RTN4R: variants seen among roughly 807,000 people sequenced by gnomAD.
RTN4R encodes the protein reticulon-4 receptor.
Under a neutral mutation model 27.7 loss-of-function variants are expected in RTN4R, and 4 were observed. The observed-to-expected ratio is 0.14, with a 90% confidence interval of 0.07 to 0.33. The LOEUF (loss-of-function observed/expected upper bound fraction) is 0.33, where lower values mean the gene tolerates loss of function less well. Ranked by LOEUF, RTN4R falls within the 10% of genes least tolerant of loss-of-function variation. The pLI, the probability that RTN4R is intolerant of heterozygous loss-of-function variation, is 1.00. For synonymous variants in RTN4R, 290 were observed against 305.6 expected (o/e 0.95, Z 0.53); for missense variants, 554 against 671.5 (o/e 0.83, Z 1.93).
intron 1 of RTN4R, among the ~76,000 whole-genome samples, chr22:20,261,612 T>C (rs1008412079): frequency 6.6e-6 from 1 of 152,210 alleles, no homozygotes; most frequent in Non-Finnish European, 1.5e-5. Context: ...ACAGCCAGTC[T>C]TGAAGGCCAC....
At chr22:20,262,464 T>C (rs2051253581) in intron 1 of RTN4R, among the ~76,000 whole-genome samples, 2 of 152,130 alleles carry the variant, frequency 1.3e-5, no homozygotes, top group African/African-American at 2.4e-5. Flanking sequence ...GACATGTAAC[T>C]GGGGACTGTG....
rs1448261068 is a variant in RTN4R at position 20,267,065 on chromosome 22, G to A, written c.22+1006C>T. 1.3e-5 allele frequency among the ~76,000 whole-genome samples: 2 copies of A among 152,266 alleles called. 1 individual carries two copies. The highest frequency in any genetic ancestry group is 4.8e-5 in the African/African-American group (2 of 41,474). On this transcript the variant is annotated intron_variant, in intron 1 of 1. Transcript: ENST00000043402. Reference sequence around the variant, plus strand: ...TGTGCCACCCGTGGAGACCACAGCAGGCATGCCGCGTGCATGCATGTGTGG... The same window carrying A: ...TGTGCCACCCGTGGAGACCACAGCAAGCATGCCGCGTGCATGCATGTGTGG...
In RTN4R at chr22:20,241,501, T is replaced by C. The variant is rs2051105088; in HGVS notation, c.*210A>G. ...ATATCTCTATATACCGCGATCTGGG[T>C]GGGAGGCGGCGTTCTGGAACAAACG... On this transcript the variant is annotated 3_prime_UTR_variant, in exon 2 of 2. Coordinates refer to ENST00000043402, the MANE Select transcript of RTN4R (RefSeq NM_023004.6). 3 of 598,054 alleles carry C rather than the reference T, an allele frequency of 5.0e-6. No homozygotes were observed. Among genetic ancestry groups the C allele is most frequent in the Non-Finnish European group, 9.0e-6 (3 of 334,892 alleles). 37.0% of individuals were successfully genotyped at this position (598,054 alleles called of 1,614,324 possible).
rs756371224 is a variant in RTN4R, at chr22:20,242,156, T to G, written c.977A>C (p.Asp326Ala). 6.2e-7 allele frequency: 1 copy of G among 1,611,840 alleles called. No individual in the cohort carries two copies. The highest frequency in any genetic ancestry group is 8.5e-7 in the Non-Finnish European group (1 of 1,179,616). Residue 326 changes from aspartate to alanine, a missense_variant, in exon 2 of 2, where the codon GAT becomes GCT. Physicochemically the swap from Asp to Ala is moderately radical, Grantham distance 126. This residue lies in a region of RTN4R where 413 missense variants were observed against 542.3 expected (regional missense o/e 0.76). Coordinates refer to ENST00000043402, the MANE Select transcript of RTN4R (RefSeq NM_023004.6). ...CTTGGGAAGCCCCAGCGGCTCCTCA[T>G]CGGTGGCCCTGCCGGTCCAGATGGG... ...YHPIWTGRAT[D>A]EEPLGLPKCC...
chr22:20,249,330 G>A, intron 1 of RTN4R: 1 of 449,414 alleles, frequency 2.2e-6, no homozygotes, highest in Non-Finnish European at 4.6e-6. Context: ...GCCTGACCCT[G>A]CCCGCTACCT....
chr22:20,263,253 T>G (rs1206449365), intron 1 of RTN4R, among the ~76,000 whole-genome samples: 1 of 152,082 alleles, frequency 6.6e-6, no homozygotes, highest in Non-Finnish European at 1.5e-5. Flanking sequence ...ACAGGTCTCC[T>G]CCTCTGGTCC....
intron 1 of RTN4R, among the ~76,000 whole-genome samples, chr22:20,264,853 G>C (rs1363481468): frequency 6.6e-6 from 1 of 152,206 alleles, no homozygotes; most frequent in East Asian, 1.9e-4. Context: ...ACCAGAATGG[G>C]GGCGGGACGG....
intron 1 of RTN4R, 73 bp downstream of exon 1, chr22:20,267,998 T>A: frequency 1.1e-6 from 1 of 927,530 alleles, no homozygotes; most frequent in Non-Finnish European, 1.4e-6. Flanking sequence ...GCCCTGCGGC[T>A]CCGGGGAGGG....
chr22:20,251,660 CCATCCT>C (rs1190290089), intron 1 of RTN4R, among the ~76,000 whole-genome samples: 1 of 111,906 alleles, frequency 8.9e-6, no homozygotes, highest in African/African-American at 2.7e-5. Context: ...ATCACCATCA[CCATCCT>C]CAACACCATC....
At chr22:20,246,365 G>A (rs2051140951) in intron 1 of RTN4R, among the ~76,000 whole-genome samples, 1 of 152,230 alleles carries the variant, frequency 6.6e-6, no homozygotes, top group Non-Finnish European at 1.5e-5. Context: ...GGGAGCAACA[G>A]GCAGCCCAGG....
chr22:20,264,893 A>C (rs1440638004), intron 1 of RTN4R, among the ~76,000 whole-genome samples: 1 of 152,192 alleles, frequency 6.6e-6, no homozygotes, highest in Non-Finnish European at 1.5e-5. Flanking sequence ...ATAGTAGCCA[A>C]GTGTCAGGAG....
At chr22:20,263,335 G>T (rs1186075265) in intron 1 of RTN4R, among the ~76,000 whole-genome samples, 1 of 152,178 alleles carries the variant, frequency 6.6e-6, no homozygotes, top group Non-Finnish European at 1.5e-5. Context: ...ACATCGCATA[G>T]GGGTGCCTCT....
intron 1 of RTN4R, among the ~76,000 whole-genome samples, chr22:20,245,720 G>A (rs1453293530): frequency 6.6e-6 from 1 of 152,198 alleles, no homozygotes; most frequent in Non-Finnish European, 1.5e-5. Flanking sequence ...CTAATAGGAT[G>A]CTCTACTGTC....
chr22:20,252,057 TATC>T (rs1346582301), intron 1 of RTN4R, among the ~76,000 whole-genome samples: 3 of 102,070 alleles, frequency 2.9e-5, no homozygotes, highest in Non-Finnish European at 4.3e-5. Context: ...TCACAATCAC[TATC>T]ATCACCATCA....
At position 20,241,706 on chromosome 22, in the gene RTN4R, G is replaced by C; in HGVS notation, c.*5C>G. Reference sequence around the variant, plus strand: ...TGCTGAGCACGCTCTTGTGTCCGCTGGGGGTCAGCAGGGCCCAAGCACTGT... The same window carrying C: ...TGCTGAGCACGCTCTTGTGTCCGCTCGGGGTCAGCAGGGCCCAAGCACTGT... On this transcript the variant is annotated 3_prime_UTR_variant, in exon 2 of 2. Transcript: ENST00000043402. 6.5e-7 allele frequency: 1 copy of C among 1,549,410 alleles called. No homozygotes were observed.
chr22:20,245,520 C>T (rs2051135452), intron 1 of RTN4R, among the ~76,000 whole-genome samples: 1 of 152,098 alleles, frequency 6.6e-6, no homozygotes, highest in Admixed American at 6.5e-5. Flanking sequence ...TGACCCCATC[C>T]CAGGGGCCAG....
chr22:20,242,283 C>CGGA lies in RTN4R; in HGVS notation c.847_849dup (p.Ser283dup). The CGGA allele has an allele frequency of 6.3e-7, 1 of 1,599,786 alleles. No homozygotes were observed. The highest frequency in any genetic ancestry group is 8.5e-7 in the Non-Finnish European group (1 of 1,174,414). On this transcript the variant is annotated inframe_insertion, in exon 2 of 2. Transcript: ENST00000043402. ...CGTTGCGGGAGGCTGCAGGGCACCT[C>CGGA]GGAGGAGGAGCCGCGGAACTTCTGC...
In RTN4R at chr22:20,241,872, G is replaced by T. The variant is rs368715681; in HGVS notation, c.1261C>A (p.Arg421Ser). 7.5e-6 allele frequency: 12 copies of T among 1,609,014 alleles called. No individual in the cohort carries two copies. Among genetic ancestry groups the T allele is most frequent in the Non-Finnish European group, 1.0e-5 (12 of 1,178,588 alleles). ...CAGTGGCTGCGGGTGCGGTTCTTGC[G>T]TGAACAGCCTGGCCTCCGGCGAGGG... ...SGPRRRPGCSRKNRTRSHCRL... is the reference protein window; with the variant it reads ...SGPRRRPGCSSKNRTRSHCRL... The change falls in exon 2 of 2, where the codon CGC becomes AGC. Residue 421 changes from arginine to serine, a missense_variant. Around this residue, in one of 2 missense-constraint regions of RTN4R, gnomAD observed 141 missense variants for 129.2 expected, o/e 1.09. Coordinates refer to ENST00000043402, the MANE Select transcript of RTN4R (RefSeq NM_023004.6).
At chr22:20,261,708 C>T (rs1302334011) in intron 1 of RTN4R, among the ~76,000 whole-genome samples, 1 of 152,232 alleles carries the variant, frequency 6.6e-6, no homozygotes, top group Admixed American at 6.5e-5. Context: ...TCCTCACCGG[C>T]GCCTGGGCCC....
Sources: allele counts gnomAD v4.1 joint callset (sites outside exome capture counted in the v4.1 genomes callset), GRCh38; gene constraint gnomAD v4.1.1; regional missense constraint gnomAD v4.1.1; transcripts MANE v1.5; gene names NCBI Gene and HGNC (gene_info 2026-07-23, HGNC 2026-07-21).